FRAS1: variants seen among roughly 807,000 people sequenced by gnomAD.
FRAS1 encodes Fraser extracellular matrix complex subunit 1, also known as extracellular matrix organizing protein FRAS1.
Under a neutral mutation model 435.2 loss-of-function variants are expected in FRAS1, and 290 were observed. The ratio of observed to expected loss-of-function variants is 0.67; its 90% confidence interval spans 0.61 to 0.73. The LOEUF is 0.73. Ranked by LOEUF, FRAS1 falls within the 30% of genes least tolerant of loss-of-function variation. The pLI is 0.00. For synonymous variants in FRAS1, 1,800 were observed against 1,851.0 expected (o/e 0.97, Z 0.71); for missense variants, 4,860 against 5,001.5 (o/e 0.97, Z 0.85).
At chr4:78,517,971 G>T (rs534523926) in intron 66 of FRAS1, among the ~76,000 whole-genome samples, 1 of 152,158 alleles carries the variant, frequency 6.6e-6, no homozygotes, top group South Asian at 2.1e-4. Context: ...AAAAAGAGGG[G>T]CTGGGAACAG....
At chr4:78,246,337 T>C (rs1036010456) in intron 4 of FRAS1, among the ~76,000 whole-genome samples, 3 of 152,176 alleles carry the variant, frequency 2.0e-5, no homozygotes, top group Admixed American at 6.5e-5. Flanking sequence ...CTATTCAGTG[T>C]GGGGACCTAA....
intron 13 of FRAS1, 43 bp from the exon 14 acceptor site, chr4:78,286,362 T>A: frequency 1.2e-6 from 2 of 1,611,088 alleles, no homozygotes; most frequent in Middle Eastern, 1.7e-4. Context: ...TTTCAGCTAA[T>A]CAAATGGTTC....
chr4:78,539,189 T>C, intron 72 of FRAS1, 105 bp from the exon 73 acceptor site: 1 of 1,125,746 alleles, frequency 8.9e-7, no homozygotes, highest in African/African-American at 1.6e-5. Context: ...CAACTCAACC[T>C]AAAGCCAGGA....
intron 2 of FRAS1, among the ~76,000 whole-genome samples, chr4:78,161,722 A>G (rs1339788693): frequency 6.8e-6 from 1 of 147,020 alleles, no homozygotes; most frequent in Non-Finnish European, 1.5e-5. Context: ...AGCCTGGGCA[A>G]CAAGAGCAAA....
intron 29 of FRAS1, 151 bp from the exon 30 acceptor site, chr4:78,400,583 T>C: frequency 1.5e-6 from 1 of 667,080 alleles, no homozygotes; most frequent in Non-Finnish European, 2.5e-6. Flanking sequence ...CTACACATAA[T>C]ACAAAGTCTA....
At chr4:78,470,166 A>G (rs1185288646) in intron 51 of FRAS1, 75 bp downstream of exon 51, 1 of 924,438 alleles carries the variant, frequency 1.1e-6, no homozygotes, top group Non-Finnish European at 1.7e-6. Flanking sequence ...TGACTTATGA[A>G]TAGAAGTCCA....
At chr4:78,531,150 T>C (rs934255539) in intron 70 of FRAS1, among the ~76,000 whole-genome samples, 1 of 152,194 alleles carries the variant, frequency 6.6e-6, no homozygotes, top group Non-Finnish European at 1.5e-5. Context: ...TGTCTGTTAC[T>C]GTTGTATAGG....
chr4:78,506,909 G>A (rs981250449), intron 61 of FRAS1, among the ~76,000 whole-genome samples: 2 of 152,110 alleles, frequency 1.3e-5, no homozygotes, highest in African/African-American at 4.8e-5. Flanking sequence ...GGTCTTGAAG[G>A]CTTGAACCCT....
intron 17 of FRAS1, 57 bp from the exon 18 acceptor site, chr4:78,318,753 A>C (rs1218590021): frequency 6.7e-7 from 1 of 1,487,528 alleles, no homozygotes; most frequent in Non-Finnish European, 9.0e-7. Flanking sequence ...TTAATGAAAG[A>C]TTTGCAACAT....
intron 2 of FRAS1, among the ~76,000 whole-genome samples, chr4:78,114,235 T>C (rs575577719): frequency 1.3e-5 from 2 of 152,184 alleles, no homozygotes; most frequent in Non-Finnish European, 2.9e-5. Context: ...ACTGTAGCCT[T>C]GTAGTATAGT....
rs779811351 is a variant in FRAS1 at position 78,540,609 on chromosome 4, C to T, written c.11524C>T (p.Arg3842Cys). The T allele has an allele frequency of 3.9e-6, 6 of 1,556,186 alleles. No individual in the cohort carries two copies. Among genetic ancestry groups the T allele is most frequent in the South Asian group, 1.2e-5 (1 of 80,844 alleles). The change falls in exon 74 of 74, where the codon CGC becomes TGC. Residue 3842 changes from arginine (R) to cysteine (C), a missense_variant. Physicochemically the swap from Arg to Cys is radical, Grantham distance 180. Coordinates refer to ENST00000512123, the MANE Select transcript of FRAS1 (RefSeq NM_025074.7). The stretch of plus-strand genomic sequence containing the variant: ...CACCATCTCAGGGCCCCGGGTCCAG[C>T]GCTCTCTCACAGCTCCACTCAGACG... ...PDTISGPRVQ[R>C]SLTAPLRRNR...
In FRAS1 at chr4:78,318,794, T is replaced by C. The variant is rs781561586; in HGVS notation, c.1961-16T>C. 2 of 1,544,590 alleles carry C rather than the reference T, an allele frequency of 1.3e-6. No homozygotes were observed. The highest frequency in any genetic ancestry group is 2.5e-5 in the South Asian group (2 of 80,318). ...TGATCCTTGGATTATTTTCTGCATT[T>C]TATTTCCATTTGCAGCCTGTCACTC... On this transcript the variant is annotated splice_polypyrimidine_tract_variant and intron_variant, in intron 17 of 73. Coordinates refer to ENST00000512123, the MANE Select transcript of FRAS1 (RefSeq NM_025074.7).
chr4:78,108,610 G>A (rs1742519333), intron 2 of FRAS1, among the ~76,000 whole-genome samples: 1 of 88,670 alleles, frequency 1.1e-5, no homozygotes, highest in African/African-American at 5.1e-5. Context: ...GTGTGTAGAG[G>A]GAAATTTATA....
At chr4:78,466,575 C>T (rs1719538576) in intron 50 of FRAS1, 140 bp downstream of exon 50, 2 of 646,616 alleles carry the variant, frequency 3.1e-6, no homozygotes, top group East Asian at 5.5e-5. Context: ...AATTACATTT[C>T]TAAGCCTCAG....
At chr4:78,192,756 T>A (rs1209620412) in intron 2 of FRAS1, among the ~76,000 whole-genome samples, 4 of 152,208 alleles carry the variant, frequency 2.6e-5, no homozygotes, top group Non-Finnish European at 2.9e-5. Flanking sequence ...GAGGGGTTTT[T>A]TGTGTCTCTA....
At chr4:78,336,652 T>C (rs406489) in intron 19 of FRAS1, among the ~76,000 whole-genome samples, 15,066 of 152,098 alleles carry the variant, frequency 0.099, 2,257 homozygotes, top group African/African-American at 0.33. Flanking sequence ...TTTTTTTTTT[T>C]CTTAAATAAC....
intron 38 of FRAS1, among the ~76,000 whole-genome samples, chr4:78,437,391 A>G (rs968324787): frequency 6.6e-6 from 1 of 152,228 alleles, no homozygotes; most frequent in Non-Finnish European, 1.5e-5. Flanking sequence ...TATATGTTGT[A>G]TTTGATAATC....
chr4:78,461,431 T>A (rs1260999058), intron 47 of FRAS1, among the ~76,000 whole-genome samples: 1 of 152,200 alleles, frequency 6.6e-6, no homozygotes, highest in African/African-American at 2.4e-5. Flanking sequence ...ATTGGGTACA[T>A]CACATAACTT....
chr4:78,506,907 AG>A (rs1720865044), intron 61 of FRAS1, among the ~76,000 whole-genome samples: 3 of 152,124 alleles, frequency 2.0e-5, no homozygotes, highest in African/African-American at 7.2e-5. Context: ...TGGGTCTTGA[AG>A]GCTTGAACCC....
Sources: gnomAD v4.1 joint callset for allele counts (sites outside exome capture counted in the v4.1 genomes callset) on GRCh38, gnomAD v4.1.1 for gene constraint, MANE v1.5 for transcripts, NCBI Gene and HGNC (gene_info 2026-07-23, HGNC 2026-07-21) for gene names.